FAM20B: variants seen among roughly 807,000 people sequenced by gnomAD.
FAM20B encodes the protein FAM20B glycosaminoglycan xylosylkinase, also known as glycosaminoglycan xylosylkinase.
FAM20B carries 23 observed loss-of-function variants against 43.8 expected under a neutral mutation model. That is an observed-to-expected ratio of 0.53 (90% confidence interval 0.38 to 0.74). The LOEUF is 0.74. Among genes scored for constraint, FAM20B ranks in the 30% least tolerant of loss-of-function variants. The pLI is 0.00. For missense variants in FAM20B, 440 were observed against 510.5 expected, an observed-to-expected ratio of 0.86 and a Z score of 1.33; for synonymous variants, 178 against 192.4, an observed-to-expected ratio of 0.93 and a Z score of 0.62.
At chr1:179,034,380 C>CTCTT (rs1650131806) in intron 1 of FAM20B, among the ~76,000 whole-genome samples, 1 of 151,874 alleles carries the variant, frequency 6.6e-6, no homozygotes, top group South Asian at 2.1e-4. Context: ...CAGACTCCAC[C>CTCTT]TCTTTCTCTC....
chr1:179,062,868 A>G (rs73045607), intron 4 of FAM20B, among the ~76,000 whole-genome samples: 2,180 of 152,160 alleles, frequency 0.014, 73 homozygotes, highest in African/African-American at 0.05. Context: ...CCTCTATGTA[A>G]CCAAACTCTT....
intron 1 of FAM20B, among the ~76,000 whole-genome samples, chr1:179,036,517 G>C (rs558177211): frequency 1.3e-5 from 2 of 152,082 alleles, no homozygotes; most frequent in Non-Finnish European, 2.9e-5. Context: ...ATGTTAGTGA[G>C]GTTTTTCGTG....
intron 4 of FAM20B, 58 bp from the exon 5 acceptor site, chr1:179,063,869 G>C: frequency 7.8e-7 from 1 of 1,276,844 alleles, no homozygotes; most frequent in Non-Finnish European, 1.1e-6. Flanking sequence ...TTATTTGGGA[G>C]AGAACTTGGA....
chr1:179,053,322 G>C (rs1202496498), intron 3 of FAM20B, among the ~76,000 whole-genome samples: 1 of 152,118 alleles, frequency 6.6e-6, no homozygotes, highest in Non-Finnish European at 1.5e-5. Context: ...TGTAGTCCTA[G>C]GTACCAGGGA....
At chr1:179,018,346 G>A in the FAM20B span, among the ~76,000 whole-genome samples, 57,733 of 151,898 alleles carry the variant, frequency 0.38, 11,178 homozygotes, top group Middle Eastern at 0.43. Flanking sequence ...TCACTCTGTC[G>A]CCCAGGCTGG....
chr1:179,056,133 C>T (rs558703666), intron 4 of FAM20B, among the ~76,000 whole-genome samples: 54 of 152,314 alleles, frequency 3.5e-4, no homozygotes, highest in Non-Finnish European at 7.4e-4. Flanking sequence ...CACACTGACA[C>T]ATCATAATCA....
At chr1:179,050,231 T>A (rs140637589) in intron 2 of FAM20B, 48 bp from the exon 3 acceptor site, 2 of 1,317,856 alleles carry the variant, frequency 1.5e-6, no homozygotes, top group African/African-American at 2.9e-5. Flanking sequence ...TGTCACCTGT[T>A]ACTGGTGTAA....
chr1:179,070,350 T>C (rs1271434654), intron 7 of FAM20B, among the ~76,000 whole-genome samples: 2 of 152,058 alleles, frequency 1.3e-5, no homozygotes, highest in East Asian at 3.9e-4. Flanking sequence ...CTGGCCAGAC[T>C]GTGTAATTTA....
chr1:179,058,960 A>G (rs1183498005), intron 4 of FAM20B, among the ~76,000 whole-genome samples: 1 of 152,230 alleles, frequency 6.6e-6, no homozygotes, highest in Non-Finnish European at 1.5e-5. Flanking sequence ...TTAGGAATGT[A>G]GGGAGAGGAG....
chr1:179,044,297 T>C (rs1650674847), intron 2 of FAM20B, 73 bp downstream of exon 2: 1 of 1,483,672 alleles, frequency 6.7e-7, no homozygotes. Flanking sequence ...ATAAGATTTA[T>C]TTTGTCATCT....
chr1:179,056,830 T>A (rs1651238339), intron 4 of FAM20B, among the ~76,000 whole-genome samples: 2 of 152,338 alleles, frequency 1.3e-5, no homozygotes, highest in South Asian at 4.1e-4. Flanking sequence ...ACTATTCTAA[T>A]CTAGTAGGTG....
chr1:179,058,315 T>TA (rs1208157352), intron 4 of FAM20B, among the ~76,000 whole-genome samples: 2 of 152,230 alleles, frequency 1.3e-5, no homozygotes, highest in African/African-American at 4.8e-5. Context: ...GTAATACAAA[T>TA]ATGACGGTTT....
chr1:179,071,735 C>G (rs1651931407), intron 7 of FAM20B, among the ~76,000 whole-genome samples, 178 bp from the exon 8 acceptor site: 1 of 152,092 alleles, frequency 6.6e-6, no homozygotes, highest in Admixed American at 6.5e-5. Flanking sequence ...TACACAGAAA[C>G]AATATCAAAA....
intron 2 of FAM20B, among the ~76,000 whole-genome samples, chr1:179,045,995 G>A (rs943214677): frequency 6.6e-6 from 1 of 152,010 alleles, no homozygotes; most frequent in East Asian, 1.9e-4. Context: ...AAGTACTTTT[G>A]TATCTCTTAA....
At chr1:179,054,731 T>C (rs762540950) in intron 4 of FAM20B, 93 bp downstream of exon 4, 7 of 728,890 alleles carry the variant, frequency 9.6e-6, no homozygotes, top group African/African-American at 5.3e-5. Context: ...CTTTTAGGAA[T>C]TGAAGAACTC....
intron 1 of FAM20B, among the ~76,000 whole-genome samples, chr1:179,031,951 G>T (rs989294407): frequency 2.4e-4 from 36 of 152,158 alleles, no homozygotes; most frequent in African/African-American, 7.7e-4. Flanking sequence ...TTGTAGAGAA[G>T]GGAAACAGGT....
chr1:179,055,926 T>A (rs1214610435), intron 4 of FAM20B, among the ~76,000 whole-genome samples: 1 of 152,222 alleles, frequency 6.6e-6, no homozygotes, highest in Non-Finnish European at 1.5e-5. Context: ...TTCTTAATAA[T>A]CGTCTGACCT....
rs1373583670 is a variant in FAM20B at position 179,032,196 on chromosome 1, C to A, written c.-134+6098C>A. Among the ~76,000 whole-genome samples the A allele has an allele frequency of 1.3e-5, 2 of 151,768 alleles. 1 individual carries two copies. The highest frequency in any genetic ancestry group is 4.2e-4 in the South Asian group (2 of 4,812). On this transcript the variant is annotated intron_variant, in intron 1 of 7. Transcript: ENST00000263733. Reference sequence around the variant, plus strand: ...TGATTCCAATGAGGGTTTTCTTTGTCATTTTTCTCCTCTCTGGAGGTCATC... The same window carrying A: ...TGATTCCAATGAGGGTTTTCTTTGTAATTTTTCTCCTCTCTGGAGGTCATC...
intron 4 of FAM20B, among the ~76,000 whole-genome samples, chr1:179,061,083 T>TTTTTTTTTTTTTTTTTTTTTTG (rs1651446271): frequency 6.6e-6 from 1 of 150,542 alleles, no homozygotes; most frequent in Non-Finnish European, 1.5e-5. Context: ...CGAATTTTTT[T>TTTTTTTTTTTTTTTTTTTTTTG]TTTTTTTTTT....
Sources: allele counts gnomAD v4.1 joint callset (sites outside exome capture counted in the v4.1 genomes callset), GRCh38; gene constraint gnomAD v4.1.1; transcripts MANE v1.5; gene names NCBI Gene and HGNC (gene_info 2026-07-23, HGNC 2026-07-21).